SMIM21: variants seen among roughly 807,000 people sequenced by gnomAD.
SMIM21 encodes the protein small integral membrane protein 21.
SMIM21 carries 8 observed loss-of-function variants against 8.6 expected under a neutral mutation model. The ratio of observed to expected loss-of-function variants is 0.93; its 90% confidence interval spans 0.55 to 1.68. The LOEUF (loss-of-function observed/expected upper bound fraction) is 1.68, where lower values mean the gene tolerates loss of function less well. SMIM21 is among the 40% of genes most tolerant of loss of function. The pLI is 0.00. For synonymous variants in SMIM21, 43 were observed against 41.7 expected (o/e 1.03, Z -0.12); for missense variants, 132 against 123.0 (o/e 1.07, Z -0.35).
Position 75,410,807 on chromosome 18 carries a change from A to G in SMIM21, c.*57T>C, listed in dbSNP as rs1242477407. 1.2e-6 allele frequency: 2 copies of G among 1,606,104 alleles called. No homozygotes were observed. Among genetic ancestry groups the G allele is most frequent in the South Asian group, 1.1e-5 (1 of 88,164 alleles). On this transcript the variant is annotated 3_prime_UTR_variant, in exon 3 of 3. Transcript: ENST00000579022. Reference sequence around the variant, plus strand: ...TCTGATTTCCTCTTAATTTCTTTTCATCTTGAGCAGGGGAAATCCATGGTA... The same window carrying G: ...TCTGATTTCCTCTTAATTTCTTTTCGTCTTGAGCAGGGGAAATCCATGGTA...
At chr18:75,415,928 C>G (rs189560837) in intron 2 of SMIM21, 4 of 152,312 alleles carry the variant, frequency 2.6e-5, no homozygotes, top group Admixed American at 2.6e-4. Flanking sequence ...ATGAACTTAT[C>G]ATAATTCATG....
intron 1 of SMIM21, among the ~76,000 whole-genome samples, chr18:75,419,528 T>C (rs940150005): frequency 6.6e-6 from 1 of 152,210 alleles, no homozygotes; most frequent in Non-Finnish European, 1.5e-5. Context: ...GACTGATAAT[T>C]GGCTGAAAGA....
chr18:75,427,412 A>G (rs1279979324), intron 1 of SMIM21, 23 bp downstream of exon 1: 6 of 1,610,192 alleles, frequency 3.7e-6, no homozygotes, highest in Admixed American at 3.3e-5. Flanking sequence ...TCATAACCCA[A>G]AGTTAAAGAC....
chr18:75,425,891 C>A (rs2144561892), intron 1 of SMIM21, among the ~76,000 whole-genome samples: 1 of 152,292 alleles, frequency 6.6e-6, no homozygotes, highest in East Asian at 1.9e-4. Context: ...TATCTGTGTG[C>A]TCCCTGAGGT....
chr18:75,418,712 G>A, intron 2 of SMIM21, 74 bp downstream of exon 2: 1 of 1,389,912 alleles, frequency 7.2e-7, no homozygotes, highest in Non-Finnish European at 9.7e-7. Flanking sequence ...TTTTTTAACT[G>A]CTAAGGTTAT....
chr18:75,416,816 T>C (rs2024650953), intron 2 of SMIM21: 1 of 152,120 alleles, frequency 6.6e-6, no homozygotes. Flanking sequence ...GTGCTGCTTT[T>C]TTTGTTCCAT....
In SMIM21 at chr18:75,427,649, A is replaced by G; in HGVS notation, c.-86T>C. On this transcript the variant is annotated 5_prime_UTR_variant, in exon 1 of 3. Coordinates refer to ENST00000579022, the MANE Select transcript of SMIM21 (RefSeq NM_001037331.3). ...AGAGCTGGTGCTATAAGACCTGGTA[A>G]CTAAGTTCCCAAGGAGCTTTTCTCT... is the stretch of plus-strand genomic sequence containing the variant. The G allele has an allele frequency of 7.2e-7, 1 of 1,379,640 alleles. No individual in the cohort carries two copies. Among genetic ancestry groups the G allele is most frequent in the East Asian group, 2.4e-5 (1 of 41,652 alleles). 85.5% of individuals were successfully genotyped at this position (1,379,640 alleles called of 1,614,324 possible).
At chr18:75,412,232 C>T (rs2024592418) in intron 2 of SMIM21, among the ~76,000 whole-genome samples, 1 of 152,214 alleles carries the variant, frequency 6.6e-6, no homozygotes, top group South Asian at 2.1e-4. Context: ...GATTCTCAAT[C>T]TCTGTATTCT....
chr18:75,415,260 T>C (rs1362804866), intron 2 of SMIM21, among the ~76,000 whole-genome samples: 1 of 152,128 alleles, frequency 6.6e-6, no homozygotes, highest in Admixed American at 6.5e-5. Flanking sequence ...CAGAGGGGAC[T>C]TAACAGCTGC....
chr18:75,423,339 G>C (rs1056274179), intron 1 of SMIM21, among the ~76,000 whole-genome samples: 2 of 152,222 alleles, frequency 1.3e-5, no homozygotes, highest in Admixed American at 1.3e-4. Context: ...TTAACTTTAA[G>C]AGTAAAAAGA....
intron 1 of SMIM21, among the ~76,000 whole-genome samples, chr18:75,425,562 AT>A (rs1269934897): frequency 6.6e-6 from 1 of 152,188 alleles, no homozygotes; most frequent in Non-Finnish European, 1.5e-5. Context: ...TTACCATCAT[AT>A]GATTTATTAT....
chr18:75,419,656 A>C (rs867854475), intron 1 of SMIM21, among the ~76,000 whole-genome samples: 4 of 152,232 alleles, frequency 2.6e-5, no homozygotes, highest in African/African-American at 9.6e-5. Context: ...CTTCTTTCTC[A>C]GAAAGAAAAA....
At chr18:75,416,725 A>G (rs771641085) in intron 2 of SMIM21, 3 of 152,212 alleles carry the variant, frequency 2.0e-5, no homozygotes, top group Non-Finnish European at 4.4e-5. Context: ...TATTTAAAAA[A>G]CCATACTTTT....
rs575044868 is a variant in SMIM21, at chr18:75,426,753, TCTC to T, written c.129+679_129+681del. Among the ~76,000 whole-genome samples, 184 of 147,936 alleles carry T rather than the reference TCTC, an allele frequency of 1.2e-3. 1 individual carries two copies. In the Middle Eastern group the frequency reaches 0.014, roughly 11 times the overall value. On this transcript the variant is annotated intron_variant, in intron 1 of 2. Transcript: ENST00000579022. ...GATGCTACCTGCCTGCTCCCATCCA[TCTC>T]CTCTTCACAGTCAGAAACACTAAGA...
chr18:75,418,692 G>A, intron 2 of SMIM21, 94 bp downstream of exon 2: 1 of 1,171,104 alleles, frequency 8.5e-7, no homozygotes, highest in Non-Finnish European at 1.1e-6. Flanking sequence ...CTTGATGAAT[G>A]TTCTAGTTTT....
At chr18:75,425,656 A>G (rs548982717) in intron 1 of SMIM21, among the ~76,000 whole-genome samples, 14 of 152,372 alleles carry the variant, frequency 9.2e-5, no homozygotes, top group African/African-American at 2.4e-4. Flanking sequence ...TTTCTTATTG[A>G]AAAGACAGAC....
intron 1 of SMIM21, among the ~76,000 whole-genome samples, chr18:75,423,206 T>C (rs2024727806): frequency 6.6e-6 from 1 of 152,250 alleles, no homozygotes; most frequent in Non-Finnish European, 1.5e-5. Flanking sequence ...TGTCATTATG[T>C]CTGGTGAGGG....
intron 1 of SMIM21, among the ~76,000 whole-genome samples, chr18:75,420,295 AG>A (rs1284402597): frequency 6.6e-6 from 1 of 152,218 alleles, no homozygotes; most frequent in Non-Finnish European, 1.5e-5. Flanking sequence ...AAAAGGAGAA[AG>A]GTGGGACTTC....
chr18:75,409,487 A>G lies in SMIM21; in HGVS notation c.*1377T>C, dbSNP rs566324560. 1 of 152,358 alleles carries G rather than the reference A, an allele frequency of 6.6e-6. No individual in the cohort carries two copies. The highest frequency in any genetic ancestry group is 1.5e-5 in the Non-Finnish European group (1 of 68,040). The allele number at this position is 152,358 out of a possible 1,614,324, so 9.4% of individuals were successfully genotyped here. A position where few individuals can be genotyped will look rare whatever the true frequency, so the allele number is the denominator to read the frequency against. On this transcript the variant is annotated 3_prime_UTR_variant, in exon 3 of 3. Transcript: ENST00000579022. ...ATGAGATGAAAAATGGCTTCCAAGA[A>G]CTTAATTCAAAGAATTGTAACAGGT... is the stretch of plus-strand genomic sequence containing the variant.
Sources: allele counts gnomAD v4.1 joint callset (sites outside exome capture counted in the v4.1 genomes callset), GRCh38; gene constraint gnomAD v4.1.1; transcripts MANE v1.5; gene names NCBI Gene and HGNC (gene_info 2026-07-23, HGNC 2026-07-21).